Variants in NETO1 observed in about 807,000 individuals in gnomAD.
NETO1 encodes the protein neuropilin and tolloid like 1.
Under a neutral mutation model 61.3 loss-of-function variants are expected in NETO1, and 26 were observed. The observed-to-expected ratio is 0.42, with a 90% CI of 0.31 to 0.59. The LOEUF (loss-of-function observed/expected upper bound fraction) is 0.59, where lower values mean the gene tolerates loss of function less well. Ranked by LOEUF, NETO1 falls within the 20% of genes least tolerant of loss-of-function variation. The pLI is 0.12. For missense variants in NETO1, 531 were observed against 662.8 expected (o/e 0.80, Z 2.18); for synonymous variants, 225 against 225.8 (o/e 1.00, Z 0.03).
At position 72,859,090 on chromosome 18, in the gene NETO1, A is replaced by C; in HGVS notation, c.221-16T>G. 1.9e-6 allele frequency: 3 copies of C among 1,580,856 alleles called. No individual in the cohort carries two copies. The highest frequency in any genetic ancestry group is 2.6e-6 in the Non-Finnish European group (3 of 1,165,020). On this transcript the variant is annotated splice_polypyrimidine_tract_variant and intron_variant, in intron 3 of 10. Coordinates refer to ENST00000327305, the MANE Select transcript of NETO1 (RefSeq NM_138966.5). ...CTTGGAGCGGCTGTAAAGAAGAAAGATTGTGTCTAGGAGGTCATTTCTTAC... is the reference window on the plus strand; with the variant it reads ...CTTGGAGCGGCTGTAAAGAAGAAAGCTTGTGTCTAGGAGGTCATTTCTTAC...
chr18:72,812,259 T>G (rs556797469), intron 4 of NETO1, among the ~76,000 whole-genome samples: 4 of 152,376 alleles, frequency 2.6e-5, no homozygotes, highest in African/African-American at 4.8e-5. Flanking sequence ...GAACACAGTC[T>G]GTCTGATTGC....
chr18:72,753,903 G>T (rs1056881911), intron 8 of NETO1, among the ~76,000 whole-genome samples: 1 of 151,986 alleles, frequency 6.6e-6, no homozygotes, highest in African/African-American at 2.4e-5. Flanking sequence ...TAAATCAGAA[G>T]GATTATATAA....
rs139551047 is a variant in NETO1, at chr18:72,791,611, TGTACAAAAGACA to T, written c.639+2494_639+2505del. 8.2e-3 allele frequency among the ~76,000 whole-genome samples: 1,249 copies of T among 152,310 alleles called. 15 individuals are homozygous for T. Among genetic ancestry groups the T allele is most frequent in the African/African-American group, 0.029 (1,193 of 41,574 alleles). On this transcript the variant is annotated intron_variant, in intron 6 of 10. Transcript: ENST00000327305. ...ACATCGGTTATTGTTGCTCTGGGAT[TGTACAAAAGACA>T]GTCTATTTACCAGCTGGAAGAAAAG...
intron 4 of NETO1, among the ~76,000 whole-genome samples, chr18:72,833,355 CGTTAA>C (rs1216855869): frequency 1.3e-4 from 20 of 152,084 alleles, no homozygotes; most frequent in African/African-American, 1.9e-4. Flanking sequence ...ACCTCTAGGC[CGTTAA>C]GTTATTTTGC....
chr18:72,819,049 T>C (rs536334742), intron 4 of NETO1, among the ~76,000 whole-genome samples: 227 of 152,354 alleles, frequency 1.5e-3, no homozygotes, highest in African/African-American at 5.0e-3. Context: ...ATTTTTTTAA[T>C]CTAACATTAG....
Position 72,747,572 on chromosome 18 carries a change from A to AT in NETO1, c.*606dup, listed in dbSNP as rs530832625. 4.6e-4 allele frequency: 70 copies of AT among 152,172 alleles called. No individual in the cohort carries two copies. The highest frequency in any genetic ancestry group is 1.4e-3 in the African/African-American group (57 of 41,560). The allele number at this position is 152,172 out of a possible 1,614,324, so 9.4% of individuals were successfully genotyped here. A position where few individuals can be genotyped will look rare whatever the true frequency, so the allele number is the denominator to read the frequency against. On this transcript the variant is annotated 3_prime_UTR_variant, in exon 11 of 11. Coordinates refer to ENST00000327305, the MANE Select transcript of NETO1 (RefSeq NM_138966.5). ...GTATACAGGAAAGACCAAAAAATGA[A>AT]TTTTTTTATTGCAATCTAGTAATTT...
At chr18:72,799,862 C>G (rs2072449270) in intron 4 of NETO1, among the ~76,000 whole-genome samples, 1 of 152,354 alleles carries the variant, frequency 6.6e-6, no homozygotes, top group South Asian at 2.1e-4. Flanking sequence ...TTCAGTAACA[C>G]AGATTCAGTT....
chr18:72,769,878 C>T (rs1049796043), intron 7 of NETO1, among the ~76,000 whole-genome samples: 16 of 152,062 alleles, frequency 1.1e-4, no homozygotes, highest in Non-Finnish European at 2.4e-4. Flanking sequence ...AGCATTTTTC[C>T]ATGCTTATAA....
chr18:72,775,533 T>C (rs1568190047), intron 7 of NETO1, among the ~76,000 whole-genome samples: 1 of 152,236 alleles, frequency 6.6e-6, no homozygotes, highest in African/African-American at 2.4e-5. Flanking sequence ...GCATGCTATA[T>C]GATTATGGTG....
intron 4 of NETO1, among the ~76,000 whole-genome samples, chr18:72,811,658 A>C (rs906850263): frequency 6.6e-6 from 1 of 152,080 alleles, no homozygotes; most frequent in African/African-American, 2.4e-5. Context: ...AAGTAAAACG[A>C]GCCGGGTGTG....
At chr18:72,749,396 C>T (rs2070516378) in intron 9 of NETO1, among the ~76,000 whole-genome samples, 1 of 152,140 alleles carries the variant, frequency 6.6e-6, no homozygotes, top group Middle Eastern at 3.4e-3. Flanking sequence ...AAAACTTTTA[C>T]TCATTTTAAG....
intron 3 of NETO1, 88 bp downstream of exon 3, chr18:72,864,720 T>C: frequency 6.6e-7 from 1 of 1,519,018 alleles, no homozygotes; most frequent in Non-Finnish European, 9.0e-7. Flanking sequence ...AATTTTGTAA[T>C]GCCTATACGC....
At chr18:72,777,957 C>T (rs958684449) in intron 7 of NETO1, among the ~76,000 whole-genome samples, 1 of 152,042 alleles carries the variant, frequency 6.6e-6, no homozygotes. Flanking sequence ...GCAGTGCGCC[C>T]CCTTGCAAAT....
chr18:72,807,299 T>G (rs915767795), intron 4 of NETO1, among the ~76,000 whole-genome samples: 3 of 152,156 alleles, frequency 2.0e-5, no homozygotes, highest in African/African-American at 7.2e-5. Flanking sequence ...TAACATAAAT[T>G]TTATTCATAT....
chr18:72,851,033 AGAGGGATGGAGTGG>A (rs1458118458), intron 4 of NETO1, among the ~76,000 whole-genome samples: 23 of 152,156 alleles, frequency 1.5e-4, no homozygotes, highest in Non-Finnish European at 1.2e-4. Context: ...AGCCCTGAAT[AGAGGGATGGAGTGG>A]GAGGTGAGCG....
intron 4 of NETO1, among the ~76,000 whole-genome samples, chr18:72,850,705 T>C (rs763368327): frequency 2.6e-4 from 39 of 152,116 alleles, no homozygotes; most frequent in Admixed American, 4.6e-4. Flanking sequence ...AAAATGGAGA[T>C]TGAGTGTAAG....
chr18:72,775,455 T>G (rs1451103818), intron 7 of NETO1, among the ~76,000 whole-genome samples: 1 of 152,176 alleles, frequency 6.6e-6, no homozygotes, highest in Non-Finnish European at 1.5e-5. Flanking sequence ...CAAAATAGCA[T>G]GTTTCAGAAT....
chr18:72,754,973 G>A (rs987091529), intron 8 of NETO1, among the ~76,000 whole-genome samples: 2 of 152,118 alleles, frequency 1.3e-5, no homozygotes, highest in African/African-American at 4.8e-5. Context: ...AACTAGAAAT[G>A]AATGCAATTT....
chr18:72,759,704 T>A (rs1266867328), intron 7 of NETO1, among the ~76,000 whole-genome samples: 2 of 152,224 alleles, frequency 1.3e-5, no homozygotes, highest in African/African-American at 2.4e-5. Context: ...CAGCATCCTG[T>A]CTTTGCTTCT....
Sources: gnomAD v4.1 joint callset for allele counts (sites outside exome capture counted in the v4.1 genomes callset) on GRCh38, gnomAD v4.1.1 for gene constraint, MANE v1.5 for transcripts, NCBI Gene and HGNC (gene_info 2026-07-23, HGNC 2026-07-21) for gene names.